The following TRABD2A variants were observed in gnomAD, a reference collection of about 807,000 sequenced individuals.
TRABD2A encodes the protein metalloprotease TIKI1.
In TRABD2A, 43 loss-of-function variants were observed where a neutral mutation model predicts 45.6. The observed-to-expected ratio is 0.94, with a 90% CI of 0.74 to 1.22. The LOEUF is 1.22. Ranked by LOEUF, TRABD2A falls within the 50% of genes most tolerant of loss-of-function variation. The pLI, the probability that TRABD2A is intolerant of heterozygous loss-of-function variation, is 0.00. For missense variants in TRABD2A, 642 were observed against 652.4 expected (o/e 0.98, Z 0.17); for synonymous variants, 269 against 265.0 (o/e 1.02, Z -0.15).
intron 5 of TRABD2A, among the ~76,000 whole-genome samples, chr2:84,826,393 T>C (rs1310466141): frequency 6.6e-6 from 1 of 152,220 alleles, no homozygotes; most frequent in Non-Finnish European, 1.5e-5. Flanking sequence ...AGCTTTACTC[T>C]TCCTGGTTTT....
intron 5 of TRABD2A, among the ~76,000 whole-genome samples, chr2:84,831,803 A>C (rs926209089): frequency 2.4e-4 from 36 of 152,142 alleles, no homozygotes; most frequent in Non-Finnish European, 4.9e-4. Flanking sequence ...CCCGCTTGCC[A>C]AACACCACTG....
chr2:84,846,146 A>T (rs191629831), intron 2 of TRABD2A, among the ~76,000 whole-genome samples: 1 of 152,228 alleles, frequency 6.6e-6, no homozygotes, highest in Non-Finnish European at 1.5e-5. Flanking sequence ...TGAGGAGACC[A>T]TACTATAAAC....
At chr2:84,840,681 C>T (rs891767577) in intron 3 of TRABD2A, among the ~76,000 whole-genome samples, 3 of 152,172 alleles carry the variant, frequency 2.0e-5, no homozygotes, top group African/African-American at 7.2e-5. Flanking sequence ...GTCAATTTCC[C>T]AATTGATCTT....
chr2:84,870,749 G>A lies in TRABD2A; in HGVS notation c.145C>T (p.Arg49Ter), dbSNP rs772334677. Reference protein sequence around the residue: ...ELNSFLWTIKRDPPSYFFGTI... With the variant: ...ELNSFLWTIK ...CCAAAGAAGTAAGATGGTGGGTCTC[G>A]CTTAATGGTCCACAAGAAGGAATTC... is the stretch of plus-strand genomic sequence containing the variant. The change falls in exon 2 of 7, where the codon CGA (arginine) becomes TGA (stop). Residue 49 changes from arginine to a stop codon, truncating the protein, a stop_gained. Transcript: ENST00000409520. LOFTEE classifies it high-confidence loss of function. The A allele has an allele frequency of 1.3e-5, 20 of 1,594,862 alleles. No homozygotes were observed. Among genetic ancestry groups the A allele is most frequent in the Admixed American group, 7.1e-5 (4 of 56,732 alleles).
chr2:84,832,961 T>C (rs1409236048), intron 4 of TRABD2A: 1 of 152,246 alleles, frequency 6.6e-6, no homozygotes, highest in East Asian at 1.9e-4. Flanking sequence ...TCTGTCATTC[T>C]TGGAGGTTTC....
intron 2 of TRABD2A, among the ~76,000 whole-genome samples, chr2:84,847,548 G>T (rs1262776949): frequency 6.6e-6 from 1 of 152,152 alleles, no homozygotes; most frequent in Non-Finnish European, 1.5e-5. Context: ...ATCCAAAAAG[G>T]CCAGGTGCCA....
Position 84,824,159 on chromosome 2 carries a change from G to A in TRABD2A, c.1128C>T (p.Ile376=), listed in dbSNP as rs767937726. The A allele has an allele frequency of 6.2e-7, 1 of 1,614,022 alleles. No individual in the cohort carries two copies. ...KTSTRPTLST[I]FAPKVPTLEV... is the part of the protein sequence containing the mutation. ...CCAGGGTAGGGACTTTTGGAGCAAA[G>A]ATGGTGGACAGAGTGGGCCGTGTGG... The change falls in exon 6 of 7, where the codon ATC becomes ATT. Residue 376 remains isoleucine, a synonymous_variant. Transcript: ENST00000409520.
rs376838627 is a variant in TRABD2A at position 84,829,418 on chromosome 2, CACACACACT to C, written c.1082+2628_1082+2636del. 4.5e-4 allele frequency among the ~76,000 whole-genome samples: 67 copies of C among 147,666 alleles called. 1 individual carries two copies. Among genetic ancestry groups the C allele is most frequent in the African/African-American group, 1.6e-3 (65 of 40,178 alleles). On this transcript the variant is annotated intron_variant, in intron 5 of 6. Transcript: ENST00000409520. The stretch of plus-strand genomic sequence containing the variant: ...CACACACCACACACACCACACATAC[CACACACACT>C]ACACACACACAAAACACACGTACCA...
chr2:84,842,726 C>CA (rs554936599), intron 2 of TRABD2A, among the ~76,000 whole-genome samples: 14,417 of 101,108 alleles, frequency 0.14, 772 homozygotes, highest in Middle Eastern at 0.3. Context: ...GACTCTGTCT[C>CA]AAAAAAAAAA....
intron 1 of TRABD2A, among the ~76,000 whole-genome samples, chr2:84,873,559 G>A (rs760338113): frequency 1.9e-4 from 29 of 152,172 alleles, no homozygotes; most frequent in East Asian, 5.8e-4. Context: ...CTTCAAAAAC[G>A]AAATGGAAAC....
intron 6 of TRABD2A, 35 bp from the exon 7 acceptor site, chr2:84,822,135 A>G (rs370387199): frequency 6.0e-6 from 9 of 1,505,920 alleles, no homozygotes; most frequent in Non-Finnish European, 8.0e-6. Flanking sequence ...GTCTGAAGTC[A>G]CAGCAGAAAC....
chr2:84,822,857 C>T (rs770490948), intron 6 of TRABD2A, among the ~76,000 whole-genome samples: 9 of 152,168 alleles, frequency 5.9e-5, no homozygotes, highest in Admixed American at 1.3e-4. Flanking sequence ...TACTTCCCTC[C>T]GTGTTTACCT....
At chr2:84,824,294 C>G (rs1681086025) in intron 5 of TRABD2A, 90 bp from the exon 6 acceptor site, 1 of 1,521,350 alleles carries the variant, frequency 6.6e-7, no homozygotes, top group Admixed American at 2.5e-5. Context: ...GGTTTCAAGA[C>G]AAAGGCAGAT....
At chr2:84,879,776 C>G (rs994216141) in intron 1 of TRABD2A, among the ~76,000 whole-genome samples, 4 of 152,188 alleles carry the variant, frequency 2.6e-5, no homozygotes, top group African/African-American at 9.6e-5. Context: ...GGTAGAGGGC[C>G]GTCCGCAGCC....
At chr2:84,858,077 G>C (rs1262748558) in intron 2 of TRABD2A, among the ~76,000 whole-genome samples, 2 of 151,968 alleles carry the variant, frequency 1.3e-5, no homozygotes, top group Non-Finnish European at 2.9e-5. Context: ...GTCTTGTTAT[G>C]TTACCCAGGC....
Position 84,825,788 on chromosome 2 carries a change from TG to T in TRABD2A, c.1083-1585del, listed in dbSNP as rs1681129647. Reference sequence around the variant, plus strand: ...GCAGGCAAGCAACCATATTACCACCTGAGCTCCACATCCTCTCAGATTAGCA... The same window carrying T: ...GCAGGCAAGCAACCATATTACCACCTAGCTCCACATCCTCTCAGATTAGCA... On this transcript the variant is annotated intron_variant, in intron 5 of 6. Coordinates refer to ENST00000409520, the MANE Select transcript of TRABD2A (RefSeq NM_001277053.2). 2.0e-5 allele frequency among the ~76,000 whole-genome samples: 3 copies of T among 152,208 alleles called. No individual in the cohort carries two copies. In the South Asian group the frequency reaches 6.2e-4, roughly 32 times the overall value.
intron 2 of TRABD2A, 114 bp from the exon 3 acceptor site, chr2:84,842,121 T>A: frequency 9.0e-7 from 1 of 1,115,250 alleles, no homozygotes; most frequent in Non-Finnish European, 1.2e-6. Context: ...TGTAAGGACG[T>A]GGATAGTGCT....
chr2:84,821,934 CTGTT>C lies in TRABD2A; in HGVS notation c.1497_1500del (p.Thr500ArgfsTer20), dbSNP rs2105367533. Reference sequence around the variant, plus strand: ...TCCAGTCGTTACAGGAGGGGTGTCTCTGTTTGGAAAGCCAGCACCAGCACCCAGA... The same window carrying C: ...TCCAGTCGTTACAGGAGGGGTGTCTCTGGAAAGCCAGCACCAGCACCCAGA... On this transcript the variant is annotated frameshift_variant, in exon 7 of 7. Coordinates refer to ENST00000409520, the MANE Select transcript of TRABD2A (RefSeq NM_001277053.2). LOFTEE classifies it high-confidence loss of function. 6.2e-7 allele frequency: 1 copy of C among 1,602,364 alleles called. No individual in the cohort carries two copies. The highest frequency in any genetic ancestry group is 8.5e-7 in the Non-Finnish European group (1 of 1,174,294).
chr2:84,823,115 G>A lies in TRABD2A; in HGVS notation c.1334+838C>T, dbSNP rs567181219. Among the ~76,000 whole-genome samples the A allele has an allele frequency of 3.9e-5, 6 of 152,196 alleles. No individual in the cohort carries two copies. The South Asian group carries it at 1.0e-3, about 26-fold the overall frequency. Reference sequence around the variant, plus strand: ...CCAGACTCAGAAGCTCTATTCACAAGGTTCCACTTTGGCTTCTACTCAGTA... The same window carrying A: ...CCAGACTCAGAAGCTCTATTCACAAAGTTCCACTTTGGCTTCTACTCAGTA... On this transcript the variant is annotated intron_variant, in intron 6 of 6. Coordinates refer to ENST00000409520, the MANE Select transcript of TRABD2A (RefSeq NM_001277053.2).
Sources: allele counts gnomAD v4.1 joint callset (sites outside exome capture counted in the v4.1 genomes callset), GRCh38; gene constraint gnomAD v4.1.1; transcripts MANE v1.5; gene names NCBI Gene and HGNC (gene_info 2026-07-23, HGNC 2026-07-21).